The following RIMS2 variants were observed in gnomAD, a reference collection of about 807,000 sequenced individuals.
RIMS2 encodes regulating synaptic membrane exocytosis 2.
In RIMS2, 59 loss-of-function variants were observed where a neutral mutation model predicts 174.4. That is an observed-to-expected ratio of 0.34 (90% CI 0.27 to 0.42). The LOEUF is 0.42. Ranked by LOEUF, RIMS2 falls within the 10% of genes least tolerant of loss-of-function variation. The probability of loss-of-function intolerance (pLI) is 1.00; values close to 1 mark genes in which losing one functional copy is unlikely to be tolerated. For synonymous variants in RIMS2, 606 were observed against 572.5 expected, an observed-to-expected ratio of 1.06 and a Z score of -0.84; for missense variants, 1,620 against 1,666.3, an observed-to-expected ratio of 0.97 and a Z score of 0.48.
intron 1 of RIMS2, among the ~76,000 whole-genome samples, chr8:103,683,349 A>C (rs891295829): frequency 2.0e-5 from 3 of 152,168 alleles, no homozygotes; most frequent in African/African-American, 7.2e-5. Context: ...GAATAAAGCC[A>C]GAGTCTTTTG....
rs201890399 is a variant in RIMS2 at position 103,921,042 on chromosome 8, CAACAAA to C, written c.2084-625_2084-620del. 5.1e-3 allele frequency: 1,139 copies of C among 221,816 alleles called. 20 individuals are homozygous for C. The highest frequency in any genetic ancestry group is 0.046 in the East Asian group (308 of 6,744). 13.7% of individuals were successfully genotyped at this position (221,816 alleles called of 1,614,324 possible). A position where few individuals can be genotyped will look rare whatever the true frequency, so the allele number is the denominator to read the frequency against. On this transcript the variant is annotated intron_variant, in intron 9 of 23. Coordinates refer to ENST00000504942, the Ensembl canonical transcript of RIMS2. ...ACAACAACAACAACAACAACAACAACAACAAAAACAGGTCTTCCCCAGTGTTCTGAA... is the reference window on the plus strand; with the variant it reads ...ACAACAACAACAACAACAACAACAACAACAGGTCTTCCCCAGTGTTCTGAA...
At chr8:104,212,219 G>C (rs1322706260) in intron 19 of RIMS2, among the ~76,000 whole-genome samples, 4 of 152,048 alleles carry the variant, frequency 2.6e-5, no homozygotes, top group African/African-American at 9.7e-5. Flanking sequence ...AAATGCTTTT[G>C]GTTTTTAAAA....
chr8:103,930,134 A>T (rs2079614884), intron 11 of RIMS2, among the ~76,000 whole-genome samples: 1 of 151,962 alleles, frequency 6.6e-6, no homozygotes, highest in Non-Finnish European at 1.5e-5. Context: ...AATAATTTGG[A>T]TATTTCTTAC....
chr8:103,907,777 G>A (rs2060664875), intron 4 of RIMS2, among the ~76,000 whole-genome samples: 1 of 149,814 alleles, frequency 6.7e-6, no homozygotes, highest in Non-Finnish European at 1.5e-5. Flanking sequence ...AGACGGAGTC[G>A]CTCTGTCGCC....
intron 4 of RIMS2, among the ~76,000 whole-genome samples, chr8:103,895,408 A>G (rs897958086): frequency 1.3e-5 from 2 of 151,454 alleles, no homozygotes; most frequent in Non-Finnish European, 2.9e-5. Flanking sequence ...CCTCTTTCCA[A>G]GTTGCAAATA....
intron 1 of RIMS2, among the ~76,000 whole-genome samples, chr8:103,555,426 T>G (rs577794174): frequency 6.6e-6 from 1 of 152,104 alleles, no homozygotes; most frequent in East Asian, 1.9e-4. Context: ...GGAATGTAAG[T>G]TAGTACAGCC....
At chr8:103,874,291 A>T (rs1446634338) in intron 3 of RIMS2, among the ~76,000 whole-genome samples, 2 of 152,046 alleles carry the variant, frequency 1.3e-5, no homozygotes, top group African/African-American at 4.8e-5. Flanking sequence ...GTCATTCTGA[A>T]CAGAAATGGT....
At chr8:103,709,120 G>A (rs911621431) in intron 2 of RIMS2, among the ~76,000 whole-genome samples, 3 of 151,946 alleles carry the variant, frequency 2.0e-5, no homozygotes, top group Non-Finnish European at 4.4e-5. Flanking sequence ...TGTCAAATCT[G>A]CTGTTTATAA....
At chr8:103,905,707 C>A (rs1349291021) in intron 4 of RIMS2, among the ~76,000 whole-genome samples, 1 of 148,884 alleles carries the variant, frequency 6.7e-6, no homozygotes, top group Non-Finnish European at 1.5e-5. Context: ...CCTGGACTTA[C>A]AATGATATGA....
intron 1 of RIMS2, among the ~76,000 whole-genome samples, chr8:103,627,939 A>T (rs963222128): frequency 5.9e-5 from 9 of 152,198 alleles, no homozygotes; most frequent in Non-Finnish European, 1.3e-4. Flanking sequence ...CTGCTCCTTT[A>T]TGTAACTGGG....
chr8:103,787,537 G>A (rs1225934546), intron 3 of RIMS2, among the ~76,000 whole-genome samples: 19 of 151,782 alleles, frequency 1.3e-4, no homozygotes, highest in Admixed American at 1.2e-3. Context: ...ATGAAGCTTA[G>A]TTTGGCTGGA....
intron 16 of RIMS2, among the ~76,000 whole-genome samples, chr8:103,985,473 C>CAAAAAAAAAAAAAAAAA (rs58750334): frequency 2.8e-5 from 1 of 36,152 alleles, no homozygotes; most frequent in African/African-American, 1.5e-4. Context: ...GACTCTGTCT[C>CAAAAAAAAAAAAAAAAA]AAAAAAAAAA....
intron 19 of RIMS2, among the ~76,000 whole-genome samples, chr8:104,207,572 G>A (rs556320960): frequency 9.2e-5 from 14 of 151,998 alleles, no homozygotes; most frequent in South Asian, 2.1e-4. Flanking sequence ...TTGGGAGGCC[G>A]AGGCAGGTGG....
At chr8:103,877,958 G>T (rs751317955) in intron 3 of RIMS2, among the ~76,000 whole-genome samples, 1 of 151,534 alleles carries the variant, frequency 6.6e-6, no homozygotes, top group Non-Finnish European at 1.5e-5. Context: ...CCTCTGATAT[G>T]GTTAGGCTTT....
At chr8:103,795,664 C>T (rs1200820903) in intron 3 of RIMS2, among the ~76,000 whole-genome samples, 1 of 151,998 alleles carries the variant, frequency 6.6e-6, no homozygotes, top group Admixed American at 6.6e-5. Flanking sequence ...GGCGAACATG[C>T]GTCCTAAAAG....
chr8:104,220,911 C>T (rs2099151953), intron 19 of RIMS2, among the ~76,000 whole-genome samples: 1 of 152,078 alleles, frequency 6.6e-6, no homozygotes, highest in African/African-American at 2.4e-5. Context: ...CTCAGCTTGC[C>T]AATTTATTTC....
intron 19 of RIMS2, among the ~76,000 whole-genome samples, chr8:104,243,535 A>C (rs1489717537): frequency 6.6e-6 from 1 of 152,176 alleles, no homozygotes; most frequent in Admixed American, 6.5e-5. Context: ...AAATACAAAA[A>C]ATTAGAAGGG....
chr8:104,036,818 A>G (rs2096528146), intron 19 of RIMS2, among the ~76,000 whole-genome samples: 1 of 152,088 alleles, frequency 6.6e-6, no homozygotes, highest in African/African-American at 2.4e-5. Flanking sequence ...CGGAGCTTGC[A>G]GTGAGCCAAG....
chr8:104,047,994 G>A (rs1285548003), intron 19 of RIMS2, among the ~76,000 whole-genome samples: 2 of 151,896 alleles, frequency 1.3e-5, no homozygotes, highest in African/African-American at 2.4e-5. Flanking sequence ...TAGATTAAGG[G>A]GTTAATTATG....
Sources: allele counts gnomAD v4.1 joint callset (sites outside exome capture counted in the v4.1 genomes callset), GRCh38; gene constraint gnomAD v4.1.1; transcripts MANE v1.5; gene names NCBI Gene and HGNC (gene_info 2026-07-23, HGNC 2026-07-21).